The following NDUFV2 variants were observed in gnomAD, a reference collection of about 807,000 sequenced individuals.
The protein encoded by NDUFV2 is NADH:ubiquinone oxidoreductase core subunit V2.
Under a neutral mutation model 31.6 loss-of-function variants are expected in NDUFV2, and 18 were observed. That is an observed-to-expected ratio of 0.57 (90% confidence interval 0.39 to 0.84). The LOEUF (loss-of-function observed/expected upper bound fraction) is 0.84, where lower values mean the gene tolerates loss of function less well. Ranked by LOEUF, NDUFV2 falls within the 40% of genes least tolerant of loss-of-function variation. NDUFV2 has a pLI of 0.00. For missense variants in NDUFV2, 314 were observed against 303.6 expected, an observed-to-expected ratio of 1.03 and a Z score of -0.26; for synonymous variants, 83 against 99.8, an observed-to-expected ratio of 0.83 and a Z score of 1.01.
At chr18:9,107,144 GGA>G (rs1363957764) in intron 1 of NDUFV2, among the ~76,000 whole-genome samples, 4 of 152,190 alleles carry the variant, frequency 2.6e-5, no homozygotes, top group Non-Finnish European at 5.9e-5. Context: ...AGCAGTTTAA[GGA>G]GAGAGAGAAT....
intron 7 of NDUFV2, chr18:9,133,616 A>C (rs1167118827): frequency 6.5e-6 from 1 of 153,324 alleles, no homozygotes; most frequent in Non-Finnish European, 1.5e-5. Flanking sequence ...ACATTGTCCC[A>C]AATCATATTT....
intron 1 of NDUFV2, chr18:9,104,980 GTATT>G (rs763165350): frequency 6.5e-7 from 1 of 1,546,944 alleles, no homozygotes. Context: ...AAATGGAAAG[GTATT>G]TATACTGTTT....
intron 2 of NDUFV2, among the ~76,000 whole-genome samples, chr18:9,118,236 A>G (rs551734994): frequency 3.3e-5 from 5 of 152,220 alleles, no homozygotes; most frequent in Non-Finnish European, 7.4e-5. Flanking sequence ...GTTGAATCCC[A>G]AAATGACACT....
At chr18:9,118,823 T>TTTG (rs1568190857) in intron 2 of NDUFV2, among the ~76,000 whole-genome samples, 2 of 147,458 alleles carry the variant, frequency 1.4e-5, no homozygotes, top group African/African-American at 2.5e-5. Flanking sequence ...CTGTTTTTTT[T>TTTG]TTTTTTTTTT....
chr18:9,123,313 A>AC (rs71168032), intron 5 of NDUFV2, among the ~76,000 whole-genome samples: 41 of 151,550 alleles, frequency 2.7e-4, no homozygotes, highest in Admixed American at 7.2e-4. Flanking sequence ...GTTGGCTCAA[A>AC]CCCCCCCACC....
intron 1 of NDUFV2, chr18:9,104,265 G>A (rs761297012): frequency 4.3e-6 from 7 of 1,612,590 alleles, no homozygotes; most frequent in Admixed American, 1.7e-5. Flanking sequence ...AGAGACAGGG[G>A]CCAGATATTG....
At chr18:9,124,551 C>A (rs970489699) in intron 5 of NDUFV2, among the ~76,000 whole-genome samples, 35 of 151,250 alleles carry the variant, frequency 2.3e-4, no homozygotes, top group Non-Finnish European at 4.1e-4. Context: ...TGGGTTCACG[C>A]CACTCTCCTG....
chr18:9,125,501 C>G (rs536106824), intron 6 of NDUFV2, among the ~76,000 whole-genome samples: 3 of 151,524 alleles, frequency 2.0e-5, no homozygotes, highest in Admixed American at 6.6e-5. Context: ...CTGGATCTCA[C>G]AAGTTTTGCA....
chr18:9,111,810 C>G (rs2077871763), intron 1 of NDUFV2, among the ~76,000 whole-genome samples: 1 of 151,826 alleles, frequency 6.6e-6, no homozygotes, highest in Admixed American at 6.5e-5. Context: ...AGGAAACAGG[C>G]TCTAGAGCTG....
intron 1 of NDUFV2, among the ~76,000 whole-genome samples, chr18:9,106,632 C>T (rs2144728407): frequency 6.6e-6 from 1 of 152,184 alleles, no homozygotes; most frequent in Non-Finnish European, 1.5e-5. Context: ...AAAAACACCC[C>T]AAAACATTTA....
chr18:9,124,677 T>A (rs1166090267), intron 5 of NDUFV2, among the ~76,000 whole-genome samples, 197 bp from the exon 6 acceptor site: 1 of 151,352 alleles, frequency 6.6e-6, no homozygotes, highest in Non-Finnish European at 1.5e-5. Flanking sequence ...CTAGATCTCC[T>A]GACCTCGTGA....
chr18:9,128,934 C>T (rs1313050344), intron 7 of NDUFV2, among the ~76,000 whole-genome samples: 2 of 152,100 alleles, frequency 1.3e-5, no homozygotes, highest in East Asian at 1.9e-4. Context: ...GGGCTTCCTC[C>T]CCCCCACTCC....
At chr18:9,107,598 A>G (rs1323740730) in intron 1 of NDUFV2, among the ~76,000 whole-genome samples, 2 of 152,240 alleles carry the variant, frequency 1.3e-5, no homozygotes, top group African/African-American at 4.8e-5. Flanking sequence ...ATAAATGCCC[A>G]AGATCACACA....
intron 7 of NDUFV2, among the ~76,000 whole-genome samples, chr18:9,129,129 C>T (rs192534856): frequency 1.5e-3 from 223 of 152,096 alleles, no homozygotes; most frequent in Admixed American, 5.2e-3. Flanking sequence ...TTAGTAGAGA[C>T]GGGGTTTTAC....
At chr18:9,118,386 A>G (rs2077909861) in intron 2 of NDUFV2, among the ~76,000 whole-genome samples, 1 of 152,098 alleles carries the variant, frequency 6.6e-6, no homozygotes, top group Admixed American at 6.6e-5. Flanking sequence ...AGGATAAGAT[A>G]TTATATCTCC....
At chr18:9,123,163 A>G (rs1229919955) in intron 5 of NDUFV2, among the ~76,000 whole-genome samples, 2 of 152,114 alleles carry the variant, frequency 1.3e-5, no homozygotes, top group Non-Finnish European at 2.9e-5. Flanking sequence ...TTAAAAGTAA[A>G]TGGGCATTTT....
chr18:9,122,944 G>A (rs894467808), intron 5 of NDUFV2, among the ~76,000 whole-genome samples: 1 of 151,914 alleles, frequency 6.6e-6, no homozygotes, highest in African/African-American at 2.4e-5. Flanking sequence ...TAAAATATTC[G>A]TTGTTTAGAA....
At chr18:9,107,193 C>T (rs184576720) in intron 1 of NDUFV2, among the ~76,000 whole-genome samples, 19 of 152,310 alleles carry the variant, frequency 1.2e-4, no homozygotes, top group African/African-American at 3.9e-4. Context: ...GTTCAGTAGG[C>T]CACTATTGCA....
chr18:9,118,020 A>G (rs2144740028), intron 2 of NDUFV2, 117 bp downstream of exon 2: 1 of 736,868 alleles, frequency 1.4e-6, no homozygotes, highest in Non-Finnish European at 2.5e-6. Context: ...GGTCATCGTG[A>G]GAATTTACAT....
Sources: gnomAD v4.1 joint callset for allele counts (sites outside exome capture counted in the v4.1 genomes callset) on GRCh38, gnomAD v4.1.1 for gene constraint, MANE v1.5 for transcripts, NCBI Gene and HGNC (gene_info 2026-07-23, HGNC 2026-07-21) for gene names.